FLCN: variants seen among roughly 807,000 people sequenced by gnomAD.
The protein encoded by FLCN is folliculin.
A neutral mutation model predicts 62.5 loss-of-function variants in FLCN; 22 were observed. The ratio of observed to expected loss-of-function variants is 0.35; its 90% CI spans 0.25 to 0.50. The LOEUF (loss-of-function observed/expected upper bound fraction) is 0.50, where lower values mean the gene tolerates loss of function less well. Among genes scored for constraint, FLCN ranks in the 20% least tolerant of loss-of-function variants. The pLI is 0.97. For missense variants in FLCN, 657 were observed against 778.0 expected (o/e 0.84, Z 1.85); for synonymous variants, 319 against 310.0 (o/e 1.03, Z -0.30).
At chr17:17,217,392 C>A in intron 9 of FLCN, 1 of 603,848 alleles carries the variant, frequency 1.7e-6, no homozygotes, top group Non-Finnish European at 2.9e-6. Flanking sequence ...ATGCTAGATT[C>A]CAAAGCTCTT....
At chr17:17,230,492 G>A (rs763591334) in intron 3 of FLCN, among the ~76,000 whole-genome samples, 2 of 151,030 alleles carry the variant, frequency 1.3e-5, no homozygotes, top group African/African-American at 2.4e-5. Context: ...ATCGCACCAC[G>A]GCACTCGAGC....
rs2046916482 is a variant in FLCN, at chr17:17,216,304, T to C, written c.1300+76A>G. ...TCCTCTCCACAACCCATGACAGAGA[T>C]CTGGTTCCACTTTGGGCCTGAGGCG... On this transcript the variant is annotated intron_variant, in intron 11 of 13. Transcript: ENST00000285071. The surrounding 1 kb of genome is among the most constrained non-coding windows in gnomAD (Gnocchi z 4.0). 1 of 1,596,552 alleles carries C rather than the reference T, an allele frequency of 6.3e-7. No homozygotes were observed. The highest frequency in any genetic ancestry group is 8.5e-7 in the Non-Finnish European group (1 of 1,170,788).
rs1244707269 is a variant in FLCN at position 17,215,335 on chromosome 17, C to T, written c.1301-19G>A. The T allele has an allele frequency of 6.2e-6, 10 of 1,613,398 alleles. No homozygotes were observed. Among genetic ancestry groups the T allele is most frequent in the East Asian group, 2.2e-5 (1 of 44,876 alleles). ...GCAAACTCTGTAACAACACAAGGCC[C>T]GTGGCTCCTCATCTCCCCCATGCTC... On this transcript the variant is annotated intron_variant, in intron 11 of 13. Transcript: ENST00000285071.
chr17:17,230,234 G>A (rs1196461230), intron 3 of FLCN, among the ~76,000 whole-genome samples: 3 of 152,140 alleles, frequency 2.0e-5, no homozygotes, highest in African/African-American at 7.2e-5. Context: ...AGCTAGGAGA[G>A]GCCGGCACAG....
At chr17:17,230,078 C>G (rs535814321) in intron 3 of FLCN, among the ~76,000 whole-genome samples, 2 of 152,178 alleles carry the variant, frequency 1.3e-5, no homozygotes, top group Admixed American at 1.3e-4. Context: ...GTTCTGGAAA[C>G]GAGACCGCAA....
rs1406061876 is a variant in FLCN, at chr17:17,216,202, C to T, written c.1300+178G>A. On this transcript the variant is annotated intron_variant, in intron 11 of 13. Transcript: ENST00000285071. The surrounding 1 kb of genome is among the most constrained non-coding windows in gnomAD (Gnocchi z 4.0). The stretch of plus-strand genomic sequence containing the variant: ...CCAGCCAACCTTCCCATCAGGTCCA[C>T]TCACCCACCGCTACCTGTGTGAAGA... 6.6e-6 allele frequency among the ~76,000 whole-genome samples: 1 copy of T among 152,198 alleles called. No homozygotes were observed. The highest frequency in any genetic ancestry group is 1.9e-4 in the East Asian group (1 of 5,190).
intron 9 of FLCN, 45 bp from the exon 10 acceptor site, chr17:17,217,227 G>T (rs1195158914): frequency 5.4e-6 from 7 of 1,292,834 alleles, no homozygotes; most frequent in African/African-American, 1.5e-5. Context: ...AGTAGAAATG[G>T]TTTTTCTCTC....
rs1320893498 is a variant in FLCN at position 17,237,125 on chromosome 17, G to C, written c.-441C>G. 6.6e-6 allele frequency: 1 copy of C among 152,220 alleles called. No individual in the cohort carries two copies. The allele number at this position is 152,220 out of a possible 1,614,324, so 9.4% of individuals were successfully genotyped here. ...GTTCAGGCTCTCAGGGGAGCTGGCA[G>C]AACCAGGAGCGACCACACTCACTCG... is the stretch of plus-strand genomic sequence containing the variant. On this transcript the variant is annotated 5_prime_UTR_variant, in exon 1 of 14. Transcript: ENST00000285071.
At position 17,217,060 on chromosome 17, in the gene FLCN, T is replaced by C. The variant is rs1210541380; in HGVS notation, c.1176+9A>G. ...CTGCGCCGCACACCTAAGGAAAAGA[T>C]GTTCTCACCCGAAGTACTTCAAAAG... On this transcript the variant is annotated intron_variant, in intron 10 of 13. Coordinates refer to ENST00000285071, the MANE Select transcript of FLCN (RefSeq NM_144997.7). 23 of 1,592,994 alleles carry C rather than the reference T, an allele frequency of 1.4e-5. No individual in the cohort carries two copies. Among genetic ancestry groups the C allele is most frequent in the East Asian group, 2.2e-5 (1 of 44,790 alleles).
intron 7 of FLCN, among the ~76,000 whole-genome samples, chr17:17,222,023 C>T (rs1042499856): frequency 2.8e-5 from 4 of 144,104 alleles, no homozygotes; most frequent in South Asian, 4.5e-4. Flanking sequence ...TGGAATGATA[C>T]GACTCAGATT....
At chr17:17,228,473 T>A (rs2047326999) in intron 3 of FLCN, 1 of 362,372 alleles carries the variant, frequency 2.8e-6, no homozygotes, top group African/African-American at 2.1e-5. Flanking sequence ...TCAAGTGACA[T>A]GAACTGCAGC....
At chr17:17,234,214 G>T (rs12449839) in intron 1 of FLCN, among the ~76,000 whole-genome samples, 76,396 of 124,760 alleles carry the variant, frequency 0.61, 20,494 homozygotes, top group East Asian at 0.69. Flanking sequence ...TTTTTTTTTG[G>T]TTTGTTTTTT....
rs587778366 is a variant in FLCN, at chr17:17,228,043, C to T, written c.95G>A (p.Gly32Glu). 1.7e-5 allele frequency: 27 copies of T among 1,613,908 alleles called. No homozygotes were observed. The highest frequency in any genetic ancestry group is 2.1e-5 in the Non-Finnish European group (25 of 1,180,054). Residue 32 changes from glycine (G) to glutamate (E), a missense_variant, in exon 4 of 14, where the codon GGG becomes GAG. Transcript: ENST00000285071. The part of the protein sequence containing the change: ...TEVLHAPLPQ[G>E]DGNEDSPGQG... Reference sequence around the variant, plus strand: ...GCCAGGACTGTCCTCATTCCCATCCCCTTGAGGAAGTGGGGCGTGCAGCAC... The same window carrying T: ...GCCAGGACTGTCCTCATTCCCATCCTCTTGAGGAAGTGGGGCGTGCAGCAC...
intron 5 of FLCN, 145 bp from the exon 6 acceptor site, chr17:17,224,288 G>A (rs2047186956): frequency 4.1e-6 from 3 of 736,910 alleles, no homozygotes; most frequent in South Asian, 1.6e-5. Context: ...GGCCATGAGA[G>A]CCGAAGACTG....
intron 13 of FLCN, 25 bp downstream of exon 13, chr17:17,214,960 G>A: frequency 1.2e-6 from 2 of 1,609,454 alleles, no homozygotes; most frequent in South Asian, 1.1e-5. Context: ...GCAAGCAAAG[G>A]GGCCTCACCC....
At position 17,217,125 on chromosome 17, in the gene FLCN, C is replaced by A. The variant is rs1270035315; in HGVS notation, c.1120G>T (p.Val374Leu). The change falls in exon 10 of 14, where the codon GTG (valine) becomes TTG (leucine). Residue 374 changes from valine to leucine, a missense_variant. Val to Leu is a conservative substitution (Grantham distance 32). Transcript: ENST00000285071. ...TCCACGTCTCTGCTTTTCCAGATCA[C>A]CTGGTTCCCCATGAGAACGTGCCAG... The part of the protein sequence containing the change: ...LAWHVLMGNQ[V>L]IWKSRDVDLV... 6.2e-7 allele frequency: 1 copy of A among 1,614,152 alleles called. No individual in the cohort carries two copies. Among genetic ancestry groups the A allele is most frequent in the South Asian group, 1.1e-5 (1 of 91,082 alleles).
intron 1 of FLCN, among the ~76,000 whole-genome samples, chr17:17,234,746 G>A (rs1362967263): frequency 6.6e-6 from 1 of 151,640 alleles, no homozygotes; most frequent in African/African-American, 2.4e-5. Flanking sequence ...GGGAGGCCGA[G>A]GCAGGCGGAC....
Position 17,215,321 on chromosome 17 carries a change from A to T in FLCN, c.1301-5T>A. On this transcript the variant is annotated splice_region_variant and splice_polypyrimidine_tract_variant and intron_variant, in intron 11 of 13. Coordinates refer to ENST00000285071, the MANE Select transcript of FLCN (RefSeq NM_144997.7). ...CCTCCACGATGACAGCAAACTCTGT[A>T]ACAACACAAGGCCCGTGGCTCCTCA... 6.2e-7 allele frequency: 1 copy of T among 1,613,900 alleles called. No homozygotes were observed. Among genetic ancestry groups the T allele is most frequent in the Non-Finnish European group, 8.5e-7 (1 of 1,180,020 alleles).
At chr17:17,223,408 C>T (rs2144962076) in intron 6 of FLCN, among the ~76,000 whole-genome samples, 1 of 135,680 alleles carries the variant, frequency 7.4e-6, no homozygotes, top group South Asian at 2.4e-4. Flanking sequence ...GAAGCATTTT[C>T]ATATGGCTGC....
Sources: gnomAD v4.1 joint callset for allele counts (sites outside exome capture counted in the v4.1 genomes callset) on GRCh38, gnomAD v4.1.1 for gene constraint, Gnocchi (gnomAD v3.1) non-coding constraint, MANE v1.5 for transcripts, NCBI Gene and HGNC (gene_info 2026-07-23, HGNC 2026-07-21) for gene names.